Variants in RAPGEF4 observed in about 807,000 individuals in gnomAD.
RAPGEF4 encodes Rap guanine nucleotide exchange factor 4, also known as RAP guanine-nucleotide-exchange factor (GEF) 4.
A neutral mutation model predicts 147.9 loss-of-function variants in RAPGEF4; 66 were observed. The observed-to-expected ratio is 0.45, with a 90% CI of 0.37 to 0.55. The LOEUF (loss-of-function observed/expected upper bound fraction) is 0.55. Among genes scored for constraint, RAPGEF4 ranks in the 20% least tolerant of loss-of-function variants. The probability of loss-of-function intolerance (pLI) is 0.00; values close to 1 mark genes in which losing one functional copy is unlikely to be tolerated. For missense variants in RAPGEF4, 1,071 were observed against 1,257.3 expected, an observed-to-expected ratio of 0.85 and a Z score of 2.24; for synonymous variants, 419 against 442.7, an observed-to-expected ratio of 0.95 and a Z score of 0.67.
chr2:173,049,327 G>C (rs1387026602), intron 30 of RAPGEF4, among the ~76,000 whole-genome samples: 1 of 152,154 alleles, frequency 6.6e-6, no homozygotes, highest in Non-Finnish European at 1.5e-5. Flanking sequence ...CAGTGCTACT[G>C]TTTCTTCTGG....
intron 1 of RAPGEF4, among the ~76,000 whole-genome samples, chr2:172,783,182 G>C (rs1256416139): frequency 6.6e-6 from 1 of 152,152 alleles, no homozygotes; most frequent in Admixed American, 6.6e-5. Context: ...GAATAGCCCT[G>C]AGCCTCAGAT....
At chr2:172,746,611 CTTTTTTCTTT>C (rs1256884933) in intron 1 of RAPGEF4, among the ~76,000 whole-genome samples, 1 of 151,384 alleles carries the variant, frequency 6.6e-6, no homozygotes, top group Non-Finnish European at 1.5e-5. Context: ...AGAAATATTA[CTTTTTTCTTT>C]TTTTTTTTTG....
intron 4 of RAPGEF4, among the ~76,000 whole-genome samples, chr2:172,874,172 AT>A (rs1378932391): frequency 6.6e-6 from 1 of 152,214 alleles, no homozygotes; most frequent in Non-Finnish European, 1.5e-5. Context: ...CAGAAATACC[AT>A]TTGACCCAGC....
chr2:172,981,808 C>T (rs897535596), intron 10 of RAPGEF4, among the ~76,000 whole-genome samples: 1 of 152,226 alleles, frequency 6.6e-6, no homozygotes, highest in African/African-American at 2.4e-5. Flanking sequence ...ATCCAATTAA[C>T]TATTTTAGAA....
In RAPGEF4 at chr2:172,760,058, A is replaced by G. The variant is rs893672905; in HGVS notation, c.65+24010A>G. 5.3e-5 allele frequency among the ~76,000 whole-genome samples: 8 copies of G among 152,222 alleles called. 1 individual carries two copies. Among genetic ancestry groups the G allele is most frequent in the African/African-American group, 1.7e-4 (7 of 41,456 alleles). ...GGCACAGACAAAAAAATGCCCCAAGAAAAGCTTACTCTTTGTAGCCATAAA... is the reference window on the plus strand; with the variant it reads ...GGCACAGACAAAAAAATGCCCCAAGGAAAGCTTACTCTTTGTAGCCATAAA... On this transcript the variant is annotated intron_variant, in intron 1 of 30. Coordinates refer to ENST00000397081, the MANE Select transcript of RAPGEF4 (RefSeq NM_007023.4).
chr2:172,819,833 C>G (rs975099796), intron 4 of RAPGEF4, among the ~76,000 whole-genome samples: 1 of 152,082 alleles, frequency 6.6e-6, no homozygotes, highest in Admixed American at 6.5e-5. Flanking sequence ...ATTTTCTACC[C>G]TCAGTAAGGA....
chr2:172,942,372 T>G (rs755088336), intron 6 of RAPGEF4, among the ~76,000 whole-genome samples: 3 of 151,712 alleles, frequency 2.0e-5, no homozygotes, highest in Admixed American at 6.6e-5. Flanking sequence ...CTCTCTAAGA[T>G]TAAAGGACCA....
intron 1 of RAPGEF4, among the ~76,000 whole-genome samples, chr2:172,783,636 C>G (rs1025973236): frequency 7.9e-5 from 12 of 152,086 alleles, no homozygotes; most frequent in Admixed American, 7.9e-4. Flanking sequence ...AGTCAAGAGC[C>G]TCAGCCGAGA....
intron 10 of RAPGEF4, among the ~76,000 whole-genome samples, chr2:172,981,189 G>A (rs1219158946): frequency 4.6e-5 from 7 of 152,118 alleles, no homozygotes. Context: ...TTCTCTTTTA[G>A]CCAAGCTTCT....
At chr2:172,832,702 C>T (rs1263652914) in intron 4 of RAPGEF4, among the ~76,000 whole-genome samples, 1 of 152,226 alleles carries the variant, frequency 6.6e-6, no homozygotes, top group Non-Finnish European at 1.5e-5. Flanking sequence ...ACTGATTCAA[C>T]TGTTTTCATT....
chr2:173,004,874 T>C (rs1694280586), intron 17 of RAPGEF4, among the ~76,000 whole-genome samples: 2 of 152,094 alleles, frequency 1.3e-5, no homozygotes, highest in Non-Finnish European at 2.9e-5. Context: ...TGGTATATTG[T>C]GAATATCTTT....
At chr2:172,932,149 A>C (rs1032070502) in intron 6 of RAPGEF4, among the ~76,000 whole-genome samples, 3 of 152,208 alleles carry the variant, frequency 2.0e-5, no homozygotes, top group African/African-American at 4.8e-5. Flanking sequence ...GTTACATGGC[A>C]CAAGATATTT....
chr2:172,789,504 T>A (rs1685588988), intron 1 of RAPGEF4, among the ~76,000 whole-genome samples: 1 of 152,212 alleles, frequency 6.6e-6, no homozygotes, highest in African/African-American at 2.4e-5. Context: ...CTGAACCAAT[T>A]TTTAAGTGTA....
At chr2:173,033,269 A>C (rs1012254677) in intron 26 of RAPGEF4, among the ~76,000 whole-genome samples, 4 of 152,184 alleles carry the variant, frequency 2.6e-5, no homozygotes, top group Admixed American at 1.3e-4. Flanking sequence ...GAGGCAGGGG[A>C]TGTGAATTAC....
At chr2:172,811,209 C>T (rs1687988170) in intron 3 of RAPGEF4, among the ~76,000 whole-genome samples, 1 of 152,206 alleles carries the variant, frequency 6.6e-6, no homozygotes, top group Non-Finnish European at 1.5e-5. Flanking sequence ...GGTGCAGATG[C>T]TCGAGGTGGC....
At chr2:172,877,208 T>G (rs939931121) in intron 4 of RAPGEF4, among the ~76,000 whole-genome samples, 1 of 152,194 alleles carries the variant, frequency 6.6e-6, no homozygotes, top group Non-Finnish European at 1.5e-5. Flanking sequence ...GTTCATGTCC[T>G]TTGCAGGGAC....
chr2:172,999,514 T>G (rs1389593254), intron 16 of RAPGEF4, among the ~76,000 whole-genome samples: 1 of 152,202 alleles, frequency 6.6e-6, no homozygotes, highest in Non-Finnish European at 1.5e-5. Flanking sequence ...CTCTCTTAAT[T>G]TACCAAAAAT....
chr2:172,796,752 C>T (rs548513604), intron 2 of RAPGEF4, among the ~76,000 whole-genome samples: 1 of 152,230 alleles, frequency 6.6e-6, no homozygotes, highest in South Asian at 2.1e-4. Context: ...CTCGGTTGTC[C>T]CACGAGCCGT....
intron 6 of RAPGEF4, among the ~76,000 whole-genome samples, chr2:172,942,487 G>A (rs781194086): frequency 1.9e-4 from 28 of 148,932 alleles, no homozygotes; most frequent in Non-Finnish European, 2.7e-4. Context: ...ATTTAGCCAC[G>A]CTATATGCCA....
Sources: allele counts gnomAD v4.1 joint callset (sites outside exome capture counted in the v4.1 genomes callset), GRCh38; gene constraint gnomAD v4.1.1; transcripts MANE v1.5; gene names NCBI Gene and HGNC (gene_info 2026-07-23, HGNC 2026-07-21).